The following UGCG variants were observed in gnomAD, a reference collection of about 807,000 sequenced individuals.
The protein encoded by UGCG is ceramide glucosyltransferase.
UGCG carries 10 observed loss-of-function variants against 49.5 expected under a neutral mutation model. The ratio of observed to expected loss-of-function variants is 0.20; its 90% confidence interval spans 0.12 to 0.34. UGCG has a LOEUF of 0.34. UGCG is among the 10% of genes least tolerant of loss of function. UGCG has a pLI of 1.00. For synonymous variants in UGCG, 182 were observed against 158.2 expected (o/e 1.15, Z -1.13); for missense variants, 312 against 483.7 (o/e 0.65, Z 3.33).
chr9:111,925,854 A>G (rs573647917), intron 4 of UGCG, among the ~76,000 whole-genome samples: 1 of 152,342 alleles, frequency 6.6e-6, no homozygotes, highest in East Asian at 1.9e-4. Flanking sequence ...CTGGTCAGAG[A>G]TGATGTTCAT....
intron 1 of UGCG, among the ~76,000 whole-genome samples, chr9:111,903,850 C>T (rs1837824914): frequency 6.6e-6 from 1 of 152,170 alleles, no homozygotes; most frequent in South Asian, 2.1e-4. Context: ...CCTGCCTCGG[C>T]CTCCACAGGT....
intron 5 of UGCG, among the ~76,000 whole-genome samples, chr9:111,928,770 T>C (rs966289196): frequency 6.6e-6 from 1 of 152,130 alleles, no homozygotes; most frequent in Admixed American, 6.6e-5. Flanking sequence ...AGGCAACATA[T>C]CTGAGGTGTA....
intron 1 of UGCG, among the ~76,000 whole-genome samples, chr9:111,911,328 G>T (rs896358860): frequency 6.6e-6 from 1 of 151,890 alleles, no homozygotes; most frequent in African/African-American, 2.4e-5. Context: ...TTGTCCTAAC[G>T]GTTCAATTAT....
chr9:111,932,133 G>T (rs750891336), intron 7 of UGCG, 37 bp from the exon 8 acceptor site: 3 of 1,592,742 alleles, frequency 1.9e-6, no homozygotes, highest in South Asian at 1.1e-5. Context: ...TTGTAGCCAG[G>T]ATATTGTTTT....
chr9:111,919,572 A>G (rs564989771), intron 2 of UGCG, among the ~76,000 whole-genome samples: 3 of 152,168 alleles, frequency 2.0e-5, no homozygotes, highest in East Asian at 3.9e-4. Context: ...CAGGCAGATC[A>G]CGAGGTCAGG....
chr9:111,914,401 A>G (rs2118538909), intron 1 of UGCG, among the ~76,000 whole-genome samples: 1 of 152,320 alleles, frequency 6.6e-6, no homozygotes, highest in Non-Finnish European at 1.5e-5. Context: ...ATGTTTTAAG[A>G]AAGTTTATGA....
intron 1 of UGCG, among the ~76,000 whole-genome samples, chr9:111,904,033 A>G (rs1268514478): frequency 3.3e-5 from 5 of 152,088 alleles, no homozygotes; most frequent in African/African-American, 9.7e-5. Context: ...AGTATTTTCA[A>G]AACTCCATAG....
chr9:111,921,163 T>C (rs964812938), intron 2 of UGCG, among the ~76,000 whole-genome samples: 3 of 151,592 alleles, frequency 2.0e-5, no homozygotes, highest in African/African-American at 7.3e-5. Flanking sequence ...CTTGGCTTCC[T>C]GAGGTGCTGG....
At chr9:111,902,601 A>G (rs1589516591) in intron 1 of UGCG, among the ~76,000 whole-genome samples, 1 of 152,216 alleles carries the variant, frequency 6.6e-6, no homozygotes, top group South Asian at 2.1e-4. Context: ...TTTTACACGA[A>G]ATACTAACAA....
intron 2 of UGCG, among the ~76,000 whole-genome samples, chr9:111,920,920 T>G (rs1838210300): frequency 6.6e-6 from 1 of 151,816 alleles, no homozygotes; most frequent in South Asian, 2.1e-4. Flanking sequence ...GTTTTTTTTT[T>G]GAGATGGAGT....
intron 1 of UGCG, among the ~76,000 whole-genome samples, chr9:111,907,319 T>C (rs1174801155): frequency 6.6e-6 from 1 of 152,220 alleles, no homozygotes; most frequent in Admixed American, 6.5e-5. Flanking sequence ...CCACCTCTCC[T>C]ATTAACACAT....
chr9:111,914,474 C>A, intron 1 of UGCG, 131 bp from the exon 2 acceptor site: 2 of 887,820 alleles, frequency 2.3e-6, no homozygotes, highest in South Asian at 4.4e-5. Context: ...ATGTTTAGAT[C>A]CTCTTTTAGA....
At chr9:111,917,738 T>G (rs2118551146) in intron 2 of UGCG, among the ~76,000 whole-genome samples, 1 of 152,388 alleles carries the variant, frequency 6.6e-6, no homozygotes, top group African/African-American at 2.4e-5. Context: ...ATCTCTGCGC[T>G]GTATTCATCT....
intron 1 of UGCG, among the ~76,000 whole-genome samples, chr9:111,902,091 C>T (rs951774568): frequency 6.6e-6 from 1 of 152,004 alleles, no homozygotes. Context: ...TCTTTACTTT[C>T]TTTCTTTTTT....
At chr9:111,911,063 AT>A (rs1486890571) in intron 1 of UGCG, among the ~76,000 whole-genome samples, 2 of 152,040 alleles carry the variant, frequency 1.3e-5, no homozygotes, top group Non-Finnish European at 2.9e-5. Context: ...TTTTTCTTTT[AT>A]TCTATTTCAC....
intron 8 of UGCG, 83 bp downstream of exon 8, chr9:111,932,442 A>G (rs769408602): frequency 7.4e-7 from 1 of 1,350,196 alleles, no homozygotes; most frequent in Non-Finnish European, 1.0e-6. Flanking sequence ...AAGGAAATGT[A>G]TCTGAGCCAT....
chr9:111,901,607 G>A (rs930586820), intron 1 of UGCG, among the ~76,000 whole-genome samples: 5 of 152,140 alleles, frequency 3.3e-5, no homozygotes, highest in African/African-American at 9.7e-5. Flanking sequence ...GTGATGGGAT[G>A]ACCTGGGCAG....
intron 5 of UGCG, among the ~76,000 whole-genome samples, chr9:111,927,355 A>G (rs955995453): frequency 1.3e-5 from 2 of 152,204 alleles, no homozygotes; most frequent in African/African-American, 2.4e-5. Context: ...TCCATAGGAA[A>G]CTATAAATAA....
At chr9:111,917,929 T>C (rs973671921) in intron 2 of UGCG, among the ~76,000 whole-genome samples, 3 of 152,240 alleles carry the variant, frequency 2.0e-5, no homozygotes, top group African/African-American at 7.2e-5. Flanking sequence ...GCTTGCTGGC[T>C]TTACTTCAGT....
Sources: gnomAD v4.1 joint callset for allele counts (sites outside exome capture counted in the v4.1 genomes callset) on GRCh38, gnomAD v4.1.1 for gene constraint, MANE v1.5 for transcripts, NCBI Gene and HGNC (gene_info 2026-07-23, HGNC 2026-07-21) for gene names.